MB21D2: variants seen among roughly 807,000 people sequenced by gnomAD.
MB21D2 encodes the protein nucleotidyltransferase MB21D2.
A neutral mutation model predicts 33.3 loss-of-function variants in MB21D2; 9 were observed. That is an observed-to-expected ratio of 0.27 (90% CI 0.16 to 0.47). The LOEUF (loss-of-function observed/expected upper bound fraction) is 0.47, where lower values mean the gene tolerates loss of function less well. MB21D2 is among the 20% of genes least tolerant of loss of function. MB21D2 has a pLI of 0.99. For missense variants in MB21D2, 540 were observed against 624.6 expected (o/e 0.86, Z 1.44); for synonymous variants, 241 against 236.3 (o/e 1.02, Z -0.18).
At chr3:192,900,542 T>C (rs1026606997) in intron 1 of MB21D2, among the ~76,000 whole-genome samples, 1 of 152,068 alleles carries the variant, frequency 6.6e-6, no homozygotes, top group African/African-American at 2.4e-5. Context: ...TTTAGGGTAT[T>C]GATCATAATC....
intron 1 of MB21D2, among the ~76,000 whole-genome samples, chr3:192,885,696 A>C (rs772312250): frequency 3.3e-5 from 5 of 152,114 alleles, no homozygotes; most frequent in Non-Finnish European, 7.3e-5. Flanking sequence ...AGGCTCTCTG[A>C]GTAGAAGATA....
intron 1 of MB21D2, among the ~76,000 whole-genome samples, chr3:192,848,636 T>C (rs1473591839): frequency 6.6e-6 from 1 of 152,208 alleles, no homozygotes; most frequent in East Asian, 1.9e-4. Context: ...AATAAAACCT[T>C]GTGAAATGAA....
chr3:192,882,377 T>TTCAGTAAC (rs1293478486), intron 1 of MB21D2, among the ~76,000 whole-genome samples: 13 of 151,624 alleles, frequency 8.6e-5, no homozygotes, highest in African/African-American at 1.2e-4. Context: ...GCCCCGCACA[T>TTCAGTAAC]TATTAAACAA....
chr3:192,894,622 A>ATGTC (rs948943375), intron 1 of MB21D2, among the ~76,000 whole-genome samples: 1 of 152,082 alleles, frequency 6.6e-6, no homozygotes, highest in African/African-American at 2.4e-5. Context: ...CATTTTGCCC[A>ATGTC]TGTCCATAAC....
At chr3:192,895,808 T>C (rs116496354) in intron 1 of MB21D2, among the ~76,000 whole-genome samples, 4,817 of 152,168 alleles carry the variant, frequency 0.032, 122 homozygotes, top group South Asian at 0.05. Context: ...TCCTGGCTCA[T>C]TGCAACCTCT....
At chr3:192,803,155 C>T (rs1374392854) in intron 1 of MB21D2, among the ~76,000 whole-genome samples, 1 of 152,146 alleles carries the variant, frequency 6.6e-6, no homozygotes, top group East Asian at 1.9e-4. Context: ...TCCCTTCTGC[C>T]CTCTGCTGGA....
chr3:192,910,457 A>C (rs921870178), intron 1 of MB21D2, among the ~76,000 whole-genome samples: 1 of 152,156 alleles, frequency 6.6e-6, no homozygotes, highest in Admixed American at 6.5e-5. Flanking sequence ...CAGCCTGGGC[A>C]ACAGAGTGAG....
intron 1 of MB21D2, among the ~76,000 whole-genome samples, chr3:192,892,261 C>T (rs1713867459): frequency 6.6e-6 from 1 of 152,154 alleles, no homozygotes; most frequent in African/African-American, 2.4e-5. Context: ...GTCCCCACAT[C>T]CAGTGACTGG....
intron 1 of MB21D2, among the ~76,000 whole-genome samples, chr3:192,821,131 G>A (rs904055882): frequency 1.3e-5 from 2 of 152,126 alleles, no homozygotes; most frequent in East Asian, 3.8e-4. Context: ...TATTGCTAAT[G>A]TCACTATCCA....
rs528748185 is a variant in MB21D2 at position 192,913,258 on chromosome 3, G to T, written c.211+4372C>A. ...CAAAAATACAAAAAACTAGCCAGGC[G>T]TGGTGTTACACGCCTGCACTCCTAG... is the stretch of plus-strand genomic sequence containing the variant. On this transcript the variant is annotated intron_variant, in intron 1 of 1. Coordinates refer to ENST00000392452, the MANE Select transcript of MB21D2 (RefSeq NM_178496.4). Among the ~76,000 whole-genome samples, 4 of 152,016 alleles carry T rather than the reference G, an allele frequency of 2.6e-5. No homozygotes were observed. In the East Asian group the frequency reaches 7.8e-4, roughly 30 times the overall value.
At chr3:192,851,161 C>T (rs1254705304) in intron 1 of MB21D2, among the ~76,000 whole-genome samples, 2 of 152,026 alleles carry the variant, frequency 1.3e-5, no homozygotes, top group Non-Finnish European at 2.9e-5. Flanking sequence ...TATAGCCACA[C>T]CATAGAATAG....
intron 1 of MB21D2, among the ~76,000 whole-genome samples, chr3:192,885,027 A>T (rs1338311882): frequency 6.6e-6 from 1 of 152,074 alleles, no homozygotes; most frequent in Non-Finnish European, 1.5e-5. Flanking sequence ...AAGATTAGAG[A>T]TATTTGAGAA....
intron 1 of MB21D2, among the ~76,000 whole-genome samples, chr3:192,885,365 A>C (rs1273019861): frequency 6.6e-6 from 1 of 152,082 alleles, no homozygotes; most frequent in Non-Finnish European, 1.5e-5. Flanking sequence ...AATCTTCTCC[A>C]TTGCCAGAAA....
At chr3:192,877,115 A>G (rs1284736245) in intron 1 of MB21D2, among the ~76,000 whole-genome samples, 1 of 152,234 alleles carries the variant, frequency 6.6e-6, no homozygotes, top group Admixed American at 6.5e-5. Flanking sequence ...AGCAATCCCA[A>G]GACCCCGTAC....
intron 1 of MB21D2, among the ~76,000 whole-genome samples, chr3:192,812,584 C>G (rs142382280): frequency 6.6e-6 from 1 of 152,138 alleles, no homozygotes; most frequent in Non-Finnish European, 1.5e-5. Context: ...TGATGAAAGA[C>G]TCCAGATCCT....
intron 1 of MB21D2, among the ~76,000 whole-genome samples, chr3:192,857,931 C>T (rs571092892): frequency 1.3e-5 from 2 of 152,242 alleles, no homozygotes; most frequent in East Asian, 3.9e-4. Context: ...TCGAGACCAG[C>T]CTGGCCAACA....
intron 1 of MB21D2, among the ~76,000 whole-genome samples, chr3:192,889,430 T>A (rs1310715804): frequency 6.6e-6 from 1 of 152,118 alleles, no homozygotes; most frequent in East Asian, 1.9e-4. Context: ...AGGAAGTTGA[T>A]TTGCTCTGAA....
At chr3:192,869,318 G>GAGGGAAAAAGGGAAAA (rs764365715) in intron 1 of MB21D2, among the ~76,000 whole-genome samples, 1 of 136,750 alleles carries the variant, frequency 7.3e-6, no homozygotes, top group Non-Finnish European at 1.5e-5. Flanking sequence ...AGGAGGGAAG[G>GAGGGAAAAAGGGAAAA]AGGGAAAAAG....
At chr3:192,867,425 C>T (rs1387902961) in intron 1 of MB21D2, among the ~76,000 whole-genome samples, 2 of 152,188 alleles carry the variant, frequency 1.3e-5, no homozygotes, top group Non-Finnish European at 2.9e-5. Context: ...CTGGCTGTCA[C>T]CCCACTATGT....
Sources: gnomAD v4.1 joint callset for allele counts (sites outside exome capture counted in the v4.1 genomes callset) on GRCh38, gnomAD v4.1.1 for gene constraint, MANE v1.5 for transcripts, NCBI Gene and HGNC (gene_info 2026-07-23, HGNC 2026-07-21) for gene names.